SIPA1L2: variants seen among roughly 807,000 people sequenced by gnomAD.
SIPA1L2 encodes the protein signal induced proliferation associated 1 like 2.
A neutral mutation model predicts 163.9 loss-of-function variants in SIPA1L2; 56 were observed. That is an observed-to-expected ratio of 0.34 (90% CI 0.28 to 0.43). SIPA1L2 has a LOEUF of 0.43. Among genes scored for constraint, SIPA1L2 ranks in the 20% least tolerant of loss-of-function variants. SIPA1L2 has a pLI of 1.00. For synonymous variants in SIPA1L2, 877 were observed against 865.7 expected, an observed-to-expected ratio of 1.01 and a Z score of -0.23; for missense variants, 1,974 against 2,193.5, an observed-to-expected ratio of 0.90 and a Z score of 2.00.
intron 7 of SIPA1L2, among the ~76,000 whole-genome samples, chr1:232,474,989 G>T (rs1419460581): frequency 3.3e-5 from 5 of 152,186 alleles, no homozygotes; most frequent in Non-Finnish European, 7.3e-5. Flanking sequence ...TGTACAACAT[G>T]AAAGAGAACA....
chr1:232,625,047 T>C (rs1464951308), intron 1 of SIPA1L2, among the ~76,000 whole-genome samples: 1 of 152,204 alleles, frequency 6.6e-6, no homozygotes, highest in East Asian at 1.9e-4. Context: ...AAGAGAGTGC[T>C]CGTTACTAGG....
chr1:232,439,889 C>T (rs1274470686), intron 14 of SIPA1L2, among the ~76,000 whole-genome samples: 1 of 152,080 alleles, frequency 6.6e-6, no homozygotes, highest in African/African-American at 2.4e-5. Flanking sequence ...ATTATAGTGC[C>T]AGCCTTGAGT....
intron 19 of SIPA1L2, 28 bp from the exon 20 acceptor site, chr1:232,404,206 G>C: frequency 6.2e-7 from 1 of 1,609,046 alleles, no homozygotes; most frequent in Non-Finnish European, 8.5e-7. Context: ...ATTTTCCTAT[G>C]AACAGGAGTA....
chr1:232,437,072 A>C (rs1662608167), intron 15 of SIPA1L2, among the ~76,000 whole-genome samples: 1 of 152,230 alleles, frequency 6.6e-6, no homozygotes, highest in Admixed American at 6.5e-5. Context: ...TAGCCCATTA[A>C]ATTTGCCAAT....
At chr1:232,557,459 C>A (rs546846004) in intron 2 of SIPA1L2, among the ~76,000 whole-genome samples, 48 of 152,294 alleles carry the variant, frequency 3.2e-4, no homozygotes, top group African/African-American at 1.1e-3. Flanking sequence ...ACTATCTTAA[C>A]CCCACAACAC....
intron 2 of SIPA1L2, among the ~76,000 whole-genome samples, chr1:232,564,160 G>A (rs1659238206): frequency 2.8e-5 from 1 of 35,562 alleles, no homozygotes; most frequent in Non-Finnish European, 5.6e-5. Context: ...GTGTGTGTGT[G>A]TGTGTGTGTG....
intron 22 of SIPA1L2, 93 bp from the exon 23 acceptor site, chr1:232,399,366 TA>T: frequency 7.2e-7 from 1 of 1,382,380 alleles, no homozygotes; most frequent in East Asian, 2.4e-5. Context: ...TTCTTATTTT[TA>T]CTTATGTACT....
chr1:232,555,959 C>G (rs1041326021), intron 2 of SIPA1L2, among the ~76,000 whole-genome samples: 1 of 152,188 alleles, frequency 6.6e-6, no homozygotes, highest in Non-Finnish European at 1.5e-5. Flanking sequence ...TTTGCAGAGA[C>G]GGCAAGCCAT....
intron 2 of SIPA1L2, among the ~76,000 whole-genome samples, chr1:232,521,465 A>G (rs1421753094): frequency 6.6e-6 from 1 of 152,124 alleles, no homozygotes; most frequent in Non-Finnish European, 1.5e-5. Flanking sequence ...TAGTGAAGGA[A>G]AGGGCCCAAT....
At chr1:232,478,993 G>A (rs146257953) in intron 7 of SIPA1L2, among the ~76,000 whole-genome samples, 71 of 152,184 alleles carry the variant, frequency 4.7e-4, no homozygotes, top group African/African-American at 1.4e-3. Flanking sequence ...TATTTCTAGC[G>A]TAAGATAAAA....
In SIPA1L2 at chr1:232,432,153, A is replaced by T. The variant is rs1662279802; in HGVS notation, c.4256+94T>A. On this transcript the variant is annotated intron_variant, in intron 16 of 22. Coordinates refer to ENST00000674635, the MANE Select transcript of SIPA1L2 (RefSeq NM_020808.5). Reference sequence around the variant, plus strand: ...AGATGTTTTTAGATTATTCTTTTTTAGAAAATACATTTCCTTTGGGAGGAA... The same window carrying T: ...AGATGTTTTTAGATTATTCTTTTTTTGAAAATACATTTCCTTTGGGAGGAA... 4.0e-6 allele frequency: 4 copies of T among 1,007,568 alleles called. No homozygotes were observed. The East Asian group carries it at 7.9e-5, about 20-fold the overall frequency. The allele number at this position is 1,007,568 out of a possible 1,614,324, so 62.4% of individuals were successfully genotyped here. A position where few individuals can be genotyped will look rare whatever the true frequency, so the allele number is the denominator to read the frequency against.
Position 232,515,059 on chromosome 1 carries a change from G to A in SIPA1L2, c.281C>T (p.Thr94Ile). ...CCGGCTTTCCCACAGTGCCTTGCAT[G>A]TTAGCTCCTTGGAACAGTCCTTTTT... Reference protein sequence around the residue: ...PPKKDCSKELTCKALWESRSQ... With the variant: ...PPKKDCSKELICKALWESRSQ... Residue 94 changes from threonine to isoleucine, a missense_variant, in exon 3 of 23, where the codon ACA becomes ATA. Physicochemically the swap from Thr to Ile is moderately conservative, Grantham distance 89. Transcript: ENST00000674635. The A allele has an allele frequency of 6.2e-7, 1 of 1,614,142 alleles. No homozygotes were observed. The highest frequency in any genetic ancestry group is 8.5e-7 in the Non-Finnish European group (1 of 1,180,020).
chr1:232,519,180 T>C (rs1464011435), intron 2 of SIPA1L2, among the ~76,000 whole-genome samples: 1 of 152,124 alleles, frequency 6.6e-6, no homozygotes, highest in South Asian at 2.1e-4. Context: ...CCAAATGAGG[T>C]GATTACAGAC....
intron 2 of SIPA1L2, among the ~76,000 whole-genome samples, chr1:232,532,820 T>C (rs1657053104): frequency 6.6e-6 from 1 of 152,116 alleles, no homozygotes; most frequent in African/African-American, 2.4e-5. Context: ...CATGTCCTTG[T>C]TAAAAACACT....
chr1:232,616,613 T>C (rs1662512150), intron 1 of SIPA1L2, among the ~76,000 whole-genome samples: 1 of 152,204 alleles, frequency 6.6e-6, no homozygotes, highest in Non-Finnish European at 1.5e-5. Context: ...GAGAGCAGCC[T>C]ACCTGTCCGG....
chr1:232,483,687 T>G, intron 6 of SIPA1L2, 105 bp downstream of exon 6: 1 of 1,280,092 alleles, frequency 7.8e-7, no homozygotes, highest in South Asian at 1.3e-5. Flanking sequence ...CTAGGCTGCT[T>G]CTGGGGCCGG....
intron 2 of SIPA1L2, among the ~76,000 whole-genome samples, chr1:232,555,957 G>GACGGCAAGCCATAGTTTA (rs1438043797): frequency 6.6e-6 from 1 of 152,214 alleles, no homozygotes; most frequent in Non-Finnish European, 1.5e-5. Flanking sequence ...ATTTTGCAGA[G>GACGGCAAGCCATAGTTTA]ACGGCAAGCC....
In SIPA1L2 at chr1:232,465,410, T is replaced by G. The variant is rs374770067; in HGVS notation, c.2250A>C (p.Gly750=). The part of the protein sequence containing the change: ...PCTENVCYSV[G]VSRSKDVPPF... ...GTGGCACATCTTTTGATCTGGAAAC[T>G]CCAACACTGAGGAAGTAAAAACAGA... The change falls in exon 9 of 23, where the codon GGA becomes GGC. Residue 750 remains glycine, a synonymous_variant. Coordinates refer to ENST00000674635, the MANE Select transcript of SIPA1L2 (RefSeq NM_020808.5). This position sits in a 1 kb window ranked among gnomAD's most constrained non-coding sequence, Gnocchi z 4.1. 3.1e-6 allele frequency: 5 copies of G among 1,601,128 alleles called. No individual in the cohort carries two copies. The highest frequency in any genetic ancestry group is 1.7e-5 in the Admixed American group (1 of 58,324).
intron 1 of SIPA1L2, among the ~76,000 whole-genome samples, chr1:232,628,503 TTAAA>T (rs1388643508): frequency 1.8e-4 from 28 of 151,766 alleles, no homozygotes; most frequent in African/African-American, 6.0e-4. Context: ...TCTGAATTCT[TTAAA>T]TAAGTCCAAA....
Sources: gnomAD v4.1 joint callset for allele counts (sites outside exome capture counted in the v4.1 genomes callset) on GRCh38, gnomAD v4.1.1 for gene constraint, Gnocchi (gnomAD v3.1) non-coding constraint, MANE v1.5 for transcripts, NCBI Gene and HGNC (gene_info 2026-07-23, HGNC 2026-07-21) for gene names.